DDX10: variants seen among roughly 807,000 people sequenced by gnomAD.
DDX10 encodes probable ATP-dependent RNA helicase DDX10.
DDX10 carries 74 observed loss-of-function variants against 104.3 expected under a neutral mutation model. The observed-to-expected ratio is 0.71, with a 90% confidence interval of 0.59 to 0.86. The LOEUF is 0.86. Among genes scored for constraint, DDX10 ranks in the 40% least tolerant of loss-of-function variants. The pLI is 0.00. For synonymous variants in DDX10, 351 were observed against 353.4 expected, an observed-to-expected ratio of 0.99 and a Z score of 0.08; for missense variants, 952 against 1,040.0, an observed-to-expected ratio of 0.92 and a Z score of 1.16.
intron 13 of DDX10, among the ~76,000 whole-genome samples, chr11:108,814,001 A>G (rs963439286): frequency 1.3e-5 from 2 of 152,080 alleles, no homozygotes; most frequent in African/African-American, 4.8e-5. Context: ...AACTGTTTTT[A>G]TGTTTATTTC....
intron 10 of DDX10, among the ~76,000 whole-genome samples, chr11:108,712,181 ATG>A (rs886969248): frequency 7.2e-5 from 11 of 152,144 alleles, no homozygotes; most frequent in Non-Finnish European, 1.6e-4. Context: ...TCATTAATTT[ATG>A]TGTCTTTATA....
intron 2 of DDX10, among the ~76,000 whole-genome samples, chr11:108,674,210 T>C (rs1026881290): frequency 2.0e-5 from 3 of 151,978 alleles, no homozygotes; most frequent in African/African-American, 7.2e-5. Flanking sequence ...TAATCCCAGC[T>C]ACAGGCTGAG....
chr11:108,858,169 C>A (rs1229273631), intron 16 of DDX10, among the ~76,000 whole-genome samples: 4 of 151,964 alleles, frequency 2.6e-5, no homozygotes, highest in Non-Finnish European at 5.9e-5. Context: ...CCTAGGATAT[C>A]TTCTCCTTCA....
chr11:108,732,872 C>T (rs2094313991), intron 13 of DDX10, among the ~76,000 whole-genome samples: 1 of 152,184 alleles, frequency 6.6e-6, no homozygotes, highest in Admixed American at 6.5e-5. Flanking sequence ...TTTTGGAACA[C>T]TTATTTCCTT....
chr11:108,933,353 C>T (rs1013953698), intron 17 of DDX10, among the ~76,000 whole-genome samples: 1 of 150,034 alleles, frequency 6.7e-6, no homozygotes, highest in Non-Finnish European at 1.5e-5. Flanking sequence ...AGTGGGCAGA[C>T]CTGGACTAAA....
At chr11:108,847,039 T>C (rs1264960797) in intron 15 of DDX10, among the ~76,000 whole-genome samples, 2 of 152,236 alleles carry the variant, frequency 1.3e-5, no homozygotes, top group Admixed American at 6.5e-5. Flanking sequence ...ACCCCAGCCT[T>C]CAGCTTTGTC....
At chr11:108,869,003 T>G in intron 16 of DDX10, among the ~76,000 whole-genome samples, 1 of 142,800 alleles carries the variant, frequency 7.0e-6, no homozygotes, top group Non-Finnish European at 1.5e-5. Context: ...TGACAGTGAG[T>G]AGGAGAAAAA....
intron 16 of DDX10, among the ~76,000 whole-genome samples, chr11:108,880,903 A>AT (rs1389783099): frequency 6.6e-6 from 1 of 152,058 alleles, no homozygotes; most frequent in African/African-American, 2.4e-5. Flanking sequence ...TGAATTTTTT[A>AT]TTTTGTAGCC....
At chr11:108,717,492 G>C (rs1233900979) in intron 11 of DDX10, among the ~76,000 whole-genome samples, 2 of 152,058 alleles carry the variant, frequency 1.3e-5, no homozygotes, top group Non-Finnish European at 2.9e-5. Flanking sequence ...TGTATTTTTA[G>C]TAGAGATAGG....
Position 108,940,496 on chromosome 11 carries a change from A to G in DDX10, c.*73A>G. Reference sequence around the variant, plus strand: ...TAGGCAAGAAGTTGAAAAACAGTTGATTTGGGGGCACTTAGGTACCATATG... The same window carrying G: ...TAGGCAAGAAGTTGAAAAACAGTTGGTTTGGGGGCACTTAGGTACCATATG... On this transcript the variant is annotated 3_prime_UTR_variant, in exon 18 of 18. Transcript: ENST00000322536. 1 of 1,520,184 alleles carries G rather than the reference A, an allele frequency of 6.6e-7. No individual in the cohort carries two copies. The highest frequency in any genetic ancestry group is 8.9e-7 in the Non-Finnish European group (1 of 1,120,692). 94.2% of individuals were successfully genotyped at this position (1,520,184 alleles called of 1,614,324 possible).
chr11:108,889,841 A>G (rs756710995), intron 16 of DDX10, among the ~76,000 whole-genome samples: 2 of 152,226 alleles, frequency 1.3e-5, no homozygotes, highest in Non-Finnish European at 2.9e-5. Flanking sequence ...TAGCCACATC[A>G]TAAGTATAAA....
intron 1 of DDX10, among the ~76,000 whole-genome samples, chr11:108,669,590 A>G (rs1354594519): frequency 1.3e-5 from 2 of 152,184 alleles, no homozygotes; most frequent in Non-Finnish European, 2.9e-5. Flanking sequence ...CTGTGATGAC[A>G]TTGGAGGCTG....
intron 13 of DDX10, among the ~76,000 whole-genome samples, chr11:108,788,673 A>G (rs1331325906): frequency 6.6e-6 from 1 of 152,160 alleles, no homozygotes; most frequent in Non-Finnish European, 1.5e-5. Context: ...CTGTAGCTAG[A>G]TTTTTAAAAG....
At chr11:108,843,202 T>C (rs1862664333) in intron 15 of DDX10, among the ~76,000 whole-genome samples, 1 of 152,070 alleles carries the variant, frequency 6.6e-6, no homozygotes, top group South Asian at 2.1e-4. Flanking sequence ...GAGGCAGTAG[T>C]GTGCTATAAC....
chr11:108,788,259 T>A (rs1458966534), intron 13 of DDX10, among the ~76,000 whole-genome samples: 1 of 152,222 alleles, frequency 6.6e-6, no homozygotes, highest in Non-Finnish European at 1.5e-5. Flanking sequence ...TAGTGGCTAG[T>A]GTTCCTTTAA....
At chr11:108,851,603 T>G (rs1862793629) in intron 15 of DDX10, among the ~76,000 whole-genome samples, 1 of 149,402 alleles carries the variant, frequency 6.7e-6, no homozygotes, top group Non-Finnish European at 1.5e-5. Context: ...TATTTTCTTC[T>G]GTTTTTAAAG....
At chr11:108,832,571 G>A (rs999685883) in intron 13 of DDX10, among the ~76,000 whole-genome samples, 3 of 152,160 alleles carry the variant, frequency 2.0e-5, no homozygotes, top group Non-Finnish European at 2.9e-5. Context: ...TCTGTCATAC[G>A]TAAAATAATA....
At chr11:108,857,866 A>G (rs1862891702) in intron 16 of DDX10, among the ~76,000 whole-genome samples, 1 of 152,224 alleles carries the variant, frequency 6.6e-6, no homozygotes, top group Admixed American at 6.5e-5. Flanking sequence ...TTGCAAGTAA[A>G]TATTTCTTCT....
chr11:108,813,052 A>T (rs1454419070), intron 13 of DDX10, among the ~76,000 whole-genome samples: 1 of 151,064 alleles, frequency 6.6e-6, no homozygotes, highest in Non-Finnish European at 1.5e-5. Flanking sequence ...ATTGGTACAG[A>T]ATTCATGATG....
Sources: allele counts gnomAD v4.1 joint callset (sites outside exome capture counted in the v4.1 genomes callset), GRCh38; gene constraint gnomAD v4.1.1; transcripts MANE v1.5; gene names NCBI Gene and HGNC (gene_info 2026-07-23, HGNC 2026-07-21).